The following FLT1 variants were observed in gnomAD, a reference collection of about 807,000 sequenced individuals.
FLT1 encodes the protein vascular endothelial growth factor receptor 1.
FLT1 carries 49 observed loss-of-function variants against 156.3 expected under a neutral mutation model. The ratio of observed to expected loss-of-function variants is 0.31; its 90% confidence interval spans 0.25 to 0.40. The LOEUF (loss-of-function observed/expected upper bound fraction) is 0.40. Ranked by LOEUF, FLT1 falls within the 10% of genes least tolerant of loss-of-function variation. The pLI is 1.00. For synonymous variants in FLT1, 594 were observed against 583.8 expected, an observed-to-expected ratio of 1.02 and a Z score of -0.25; for missense variants, 1,322 against 1,637.2, an observed-to-expected ratio of 0.81 and a Z score of 3.32.
At chr13:28,371,872 G>A (rs1403499339) in intron 14 of FLT1, among the ~76,000 whole-genome samples, 1 of 151,622 alleles carries the variant, frequency 6.6e-6, no homozygotes, top group African/African-American at 2.4e-5. Flanking sequence ...TGGATAAGGG[G>A]ACATGACAGT....
chr13:28,381,587 CA>C (rs549996580), intron 14 of FLT1, among the ~76,000 whole-genome samples: 1 of 151,936 alleles, frequency 6.6e-6, no homozygotes, highest in Non-Finnish European at 1.5e-5. Flanking sequence ...AAAACAAAAA[CA>C]AAAAAACTTA....
chr13:28,405,072 T>C (rs1285713535), intron 11 of FLT1, among the ~76,000 whole-genome samples: 2 of 149,440 alleles, frequency 1.3e-5, no homozygotes, highest in Non-Finnish European at 3.0e-5. Context: ...TGCCAGACAA[T>C]AGCAGATTTT....
In FLT1 at chr13:28,443,104, T is replaced by A. The variant is rs79452797; in HGVS notation, c.389-4759A>T. Among the ~76,000 whole-genome samples the A allele has an allele frequency of 6.6e-3, 1,000 of 152,284 alleles. 11 individuals are homozygous for A. Among genetic ancestry groups the A allele is most frequent in the African/African-American group, 0.022 (905 of 41,578 alleles). ...CCAGGGACTCATGCCAACACTCAGC[T>A]AGGTGGAGGTCACACTGCCCTCACC... On this transcript the variant is annotated intron_variant, in intron 3 of 29. Transcript: ENST00000282397.
At position 28,466,800 on chromosome 13, in the gene FLT1, C is replaced by G. The variant is rs771097357; in HGVS notation, c.388+103G>C. On this transcript the variant is annotated intron_variant, in intron 3 of 29. Transcript: ENST00000282397. ...ATGGAATCTCTTTCCTAACCCGTTT[C>G]TTTCATACTCACTAGGAAAGCAACC... 4.9e-6 allele frequency: 4 copies of G among 811,370 alleles called. No individual in the cohort carries two copies. The African/African-American group carries it at 6.8e-5, about 14-fold the overall frequency. 50.3% of individuals were successfully genotyped at this position (811,370 alleles called of 1,614,324 possible).
At position 28,445,041 on chromosome 13, in the gene FLT1, G is replaced by A. The variant is rs545657891; in HGVS notation, c.389-6696C>T. On this transcript the variant is annotated intron_variant, in intron 3 of 29. Coordinates refer to ENST00000282397, the MANE Select transcript of FLT1 (RefSeq NM_002019.4). Reference sequence around the variant, plus strand: ...AATAAAGATTATAGTAGAAATTAAAGAGAATGCAAAACAACAGAATAAATT... The same window carrying A: ...AATAAAGATTATAGTAGAAATTAAAAAGAATGCAAAACAACAGAATAAATT... Among the ~76,000 whole-genome samples the A allele has an allele frequency of 2.0e-5, 3 of 152,240 alleles. No individual in the cohort carries two copies. The East Asian group carries it at 5.8e-4, about 29-fold the overall frequency.
chr13:28,342,965 TC>T (rs1390568027), intron 16 of FLT1, among the ~76,000 whole-genome samples: 10 of 151,628 alleles, frequency 6.6e-5, no homozygotes, highest in East Asian at 1.9e-4. Context: ...TCTCTCTCTC[TC>T]TCTTTCTTTC....
In FLT1 at chr13:28,334,051, C is replaced by T. The variant is rs770523274; in HGVS notation, c.2567G>A (p.Arg856Gln). The T allele has an allele frequency of 3.0e-5, 49 of 1,612,310 alleles. No homozygotes were observed. The highest frequency in any genetic ancestry group is 6.7e-5 in the East Asian group (3 of 44,876). Residue 856 changes from arginine to glutamine, a missense_variant, in exon 18 of 30, where the codon CGG becomes CAG. Arg to Gln is a conservative substitution (Grantham distance 43). This residue lies in a region of FLT1 where 991 missense variants were observed against 1,254.8 expected (regional missense o/e 0.79). Transcript: ENST00000282397. ...TTTCAGCATTTTCACAGCCACAGTCCGGCACGTAGGTGATTTCTTAATGCC... is the reference window on the plus strand; with the variant it reads ...TTTCAGCATTTTCACAGCCACAGTCTGGCACGTAGGTGATTTCTTAATGCC... ...AFGIKKSPTC[R>Q]TVAVKMLKEG...
chr13:28,412,982 TG>T (rs1876404842), intron 10 of FLT1, among the ~76,000 whole-genome samples: 1 of 152,134 alleles, frequency 6.6e-6, no homozygotes, highest in Non-Finnish European at 1.5e-5. Context: ...GAAAAGGGCC[TG>T]GGCCTTCAGG....
intron 16 of FLT1, among the ~76,000 whole-genome samples, chr13:28,344,569 C>CATGA (rs1009255235): frequency 2.0e-5 from 3 of 152,078 alleles, no homozygotes; most frequent in Admixed American, 6.6e-5. Flanking sequence ...ATATTTGAAG[C>CATGA]ATGAATGAAT....
In FLT1 at chr13:28,338,170, A is replaced by G. The variant is rs1489044538; in HGVS notation, c.2488+998T>C. Among the ~76,000 whole-genome samples the G allele has an allele frequency of 3.3e-5, 5 of 152,268 alleles. No individual in the cohort carries two copies. The East Asian group carries it at 9.7e-4, about 29-fold the overall frequency. ...CAGAATCATTTCAAGGCCCAAGAGA[A>G]AAACAAAAGCCATTTTCCTCTCTCT... On this transcript the variant is annotated intron_variant, in intron 17 of 29. Coordinates refer to ENST00000282397, the MANE Select transcript of FLT1 (RefSeq NM_002019.4).
chr13:28,478,889 T>C (rs1880692696), intron 1 of FLT1, among the ~76,000 whole-genome samples: 1 of 152,212 alleles, frequency 6.6e-6, no homozygotes, highest in Non-Finnish European at 1.5e-5. Flanking sequence ...TCATGCAGAC[T>C]TTCAGCTTCA....
chr13:28,304,617 A>G (rs568642285), intron 29 of FLT1, among the ~76,000 whole-genome samples: 68 of 152,280 alleles, frequency 4.5e-4, no homozygotes, highest in African/African-American at 1.6e-3. Context: ...CAAATTGTGC[A>G]ACCATCACCA....
intron 24 of FLT1, among the ~76,000 whole-genome samples, 164 bp downstream of exon 24, chr13:28,319,259 C>T (rs748578034): frequency 2.0e-5 from 3 of 152,168 alleles, no homozygotes; most frequent in African/African-American, 4.8e-5. Context: ...GGCAGACATG[C>T]GTACGCCATT....
chr13:28,313,218 A>G (rs1871074830), intron 25 of FLT1, among the ~76,000 whole-genome samples: 1 of 151,990 alleles, frequency 6.6e-6, no homozygotes, highest in Non-Finnish European at 1.5e-5. Context: ...GCCTCAATTG[A>G]TTCACCAGCC....
rs676395 is a variant in FLT1 at position 28,492,405 on chromosome 13, T to C, written c.64+2375A>G. Among the ~76,000 whole-genome samples, 920 of 152,344 alleles carry C rather than the reference T, an allele frequency of 6.0e-3. 11 individuals carry two copies. The highest frequency in any genetic ancestry group is 0.021 in the African/African-American group (871 of 41,576). On this transcript the variant is annotated intron_variant, in intron 1 of 29. Transcript: ENST00000282397. ...GGAGAAAGAGGACTGGTATCCTTTA[T>C]AGAGAAAGAGCAATAGAGAGGACTT...
At chr13:28,485,524 G>A (rs1881102233) in intron 1 of FLT1, among the ~76,000 whole-genome samples, 1 of 152,044 alleles carries the variant, frequency 6.6e-6, no homozygotes, top group South Asian at 2.1e-4. Context: ...AGCATTTATT[G>A]TTATTTACTA....
chr13:28,381,619 T>A (rs1317974263), intron 14 of FLT1, among the ~76,000 whole-genome samples: 1 of 152,162 alleles, frequency 6.6e-6, no homozygotes, highest in Non-Finnish European at 1.5e-5. Flanking sequence ...CCAATTTCTT[T>A]CACAAGCTAT....
chr13:28,453,272 T>C (rs916232873), intron 3 of FLT1, among the ~76,000 whole-genome samples: 7 of 151,532 alleles, frequency 4.6e-5, no homozygotes, highest in African/African-American at 1.2e-4. Context: ...TACAGGCATG[T>C]GCCACCACAC....
chr13:28,392,831 G>C (rs1874818745), intron 12 of FLT1, among the ~76,000 whole-genome samples: 1 of 152,110 alleles, frequency 6.6e-6, no homozygotes, highest in Admixed American at 6.6e-5. Flanking sequence ...TCGTTTTGAG[G>C]CCTGTTTCTT....
Sources: gnomAD v4.1 joint callset for allele counts (sites outside exome capture counted in the v4.1 genomes callset) on GRCh38, gnomAD v4.1.1 for gene constraint, gnomAD v4.1.1 regional missense constraint, MANE v1.5 for transcripts, NCBI Gene and HGNC (gene_info 2026-07-23, HGNC 2026-07-21) for gene names.